CPQ: variants seen among roughly 807,000 people sequenced by gnomAD.
The protein encoded by CPQ is carboxypeptidase Q.
A neutral mutation model predicts 45.7 loss-of-function variants in CPQ; 37 were observed. That is an observed-to-expected ratio of 0.81 (90% CI 0.62 to 1.07). The LOEUF is 1.07. CPQ is among the 50% of genes least tolerant of loss of function. The probability of loss-of-function intolerance (pLI) is 0.00; values close to 1 mark genes in which losing one functional copy is unlikely to be tolerated. For missense variants in CPQ, 537 were observed against 572.9 expected (o/e 0.94, Z 0.64); for synonymous variants, 186 against 205.8 (o/e 0.90, Z 0.82).
At chr8:96,986,823 T>G (rs1195866674) in intron 5 of CPQ, among the ~76,000 whole-genome samples, 1 of 152,238 alleles carries the variant, frequency 6.6e-6, no homozygotes, top group Non-Finnish European at 1.5e-5. Flanking sequence ...TTAACTCATC[T>G]GATATACCCC....
At chr8:96,979,071 T>G (rs1813839824) in intron 5 of CPQ, among the ~76,000 whole-genome samples, 1 of 150,556 alleles carries the variant, frequency 6.6e-6, no homozygotes, top group Non-Finnish European at 1.5e-5. Flanking sequence ...AAGAACAAAT[T>G]AGAACTCATG....
chr8:97,099,544 ATG>A (rs1052378059), intron 7 of CPQ, among the ~76,000 whole-genome samples: 14 of 150,244 alleles, frequency 9.3e-5, no homozygotes, highest in Non-Finnish European at 1.3e-4. Flanking sequence ...TTCTTAAGAT[ATG>A]TGTGTTTTTT....
chr8:97,132,444 T>C (rs1811973235), intron 7 of CPQ, among the ~76,000 whole-genome samples: 1 of 152,224 alleles, frequency 6.6e-6, no homozygotes, highest in Non-Finnish European at 1.5e-5. Context: ...CCCACTTTTC[T>C]AATTCCCTTG....
At chr8:96,922,279 C>T (rs1812819766) in intron 4 of CPQ, among the ~76,000 whole-genome samples, 1 of 152,114 alleles carries the variant, frequency 6.6e-6, no homozygotes, top group South Asian at 2.1e-4. Context: ...CCATGCTCAA[C>T]CCCTCATACT....
At chr8:97,042,988 G>C (rs1008434391) in intron 6 of CPQ, among the ~76,000 whole-genome samples, 2 of 151,462 alleles carry the variant, frequency 1.3e-5, no homozygotes, top group Admixed American at 6.6e-5. Flanking sequence ...GAGTTCTGTA[G>C]ATGTCTATTA....
At chr8:97,072,576 C>G (rs1810765083) in intron 7 of CPQ, among the ~76,000 whole-genome samples, 1 of 152,080 alleles carries the variant, frequency 6.6e-6, no homozygotes. Context: ...GACCGTATAC[C>G]TAGAAAACCC....
chr8:97,073,034 T>C lies in CPQ; in HGVS notation c.1255+6824T>C, dbSNP rs572480221. ...TGCAAGACACAACTGTAAGTTATGA[T>C]TAATTTAGTAACGACATCACTCATT... On this transcript the variant is annotated intron_variant, in intron 7 of 7. Transcript: ENST00000220763. Among the ~76,000 whole-genome samples the C allele has an allele frequency of 4.6e-5, 7 of 152,322 alleles. No homozygotes were observed. The South Asian group carries it at 1.4e-3, about 32-fold the overall frequency.
chr8:96,882,606 G>A (rs1209147974), intron 4 of CPQ, among the ~76,000 whole-genome samples: 1 of 152,098 alleles, frequency 6.6e-6, no homozygotes, highest in Non-Finnish European at 1.5e-5. Flanking sequence ...AGCAGCTATG[G>A]AGTCTCAGAA....
At chr8:96,778,862 C>T (rs1470539079) in intron 1 of CPQ, among the ~76,000 whole-genome samples, 5 of 151,908 alleles carry the variant, frequency 3.3e-5, no homozygotes, top group Admixed American at 6.6e-5. Context: ...GTCAGGAGAT[C>T]GAGATCAGCC....
chr8:96,700,561 A>T (rs1031790657), intron 1 of CPQ, among the ~76,000 whole-genome samples: 3 of 151,654 alleles, frequency 2.0e-5, no homozygotes, highest in African/African-American at 4.9e-5. Flanking sequence ...AGTAAACTGC[A>T]TGCACCTTCT....
At chr8:96,832,761 A>T (rs1811476808) in intron 2 of CPQ, among the ~76,000 whole-genome samples, 1 of 152,186 alleles carries the variant, frequency 6.6e-6, no homozygotes, top group South Asian at 2.1e-4. Flanking sequence ...GTGTCTATAC[A>T]GGGAAAAGTG....
At chr8:96,902,453 T>C (rs1416133059) in intron 4 of CPQ, among the ~76,000 whole-genome samples, 1 of 152,214 alleles carries the variant, frequency 6.6e-6, no homozygotes, top group African/African-American at 2.4e-5. Flanking sequence ...TTATTTCTCA[T>C]GTACCTGTTT....
rs141806417 is a variant in CPQ at position 96,676,080 on chromosome 8, A to G, written c.-35+30678A>G. 2.3e-3 allele frequency among the ~76,000 whole-genome samples: 357 copies of G among 152,098 alleles called. 2 individuals carry two copies. Among genetic ancestry groups the G allele is most frequent in the African/African-American group, 8.0e-3 (331 of 41,520 alleles). ...TACAATGTGTAACAATCAAATTGGG[A>G]TATTTAGGATATCTATTACCTCAAA... On this transcript the variant is annotated intron_variant, in intron 1 of 7. Coordinates refer to ENST00000220763, the MANE Select transcript of CPQ (RefSeq NM_016134.4).
chr8:96,650,365 A>T (rs1201226288), intron 1 of CPQ, among the ~76,000 whole-genome samples: 1 of 152,264 alleles, frequency 6.6e-6, no homozygotes, highest in Non-Finnish European at 1.5e-5. Context: ...ATATAGTGGT[A>T]TTAGACTTCC....
chr8:97,137,725 C>T (rs1172330086), intron 7 of CPQ, among the ~76,000 whole-genome samples: 1 of 152,144 alleles, frequency 6.6e-6, no homozygotes, highest in African/African-American at 2.4e-5. Context: ...GTCAGGAAAT[C>T]GAGACCATCG....
At chr8:96,946,376 A>C (rs1813188596) in intron 4 of CPQ, among the ~76,000 whole-genome samples, 1 of 152,196 alleles carries the variant, frequency 6.6e-6, no homozygotes, top group African/African-American at 2.4e-5. Context: ...TTAATGTATC[A>C]CATTTCACTA....
chr8:96,794,811 G>A lies in CPQ; in HGVS notation c.433+9481G>A, dbSNP rs117723111. On this transcript the variant is annotated intron_variant, in intron 2 of 7. Transcript: ENST00000220763. ...TCAAAGTTCCACAAATTGCTAGGGT[G>A]GGGGTAAAATGCCACCACTCTCTTT... Among the ~76,000 whole-genome samples, 1,015 of 152,210 alleles carry A rather than the reference G, an allele frequency of 6.7e-3. 10 individuals carry two copies. The highest frequency in any genetic ancestry group is 0.029 in the South Asian group (141 of 4,816).
intron 1 of CPQ, among the ~76,000 whole-genome samples, chr8:96,683,766 TA>T (rs57075384): frequency 0.08 from 11,820 of 148,450 alleles, 483 homozygotes; most frequent in Middle Eastern, 0.15. Context: ...ACTGAGTTAT[TA>T]AAAAAAAAAA....
At chr8:96,938,370 CT>C in intron 4 of CPQ, among the ~76,000 whole-genome samples, 1 of 152,228 alleles carries the variant, frequency 6.6e-6, no homozygotes, top group African/African-American at 2.4e-5. Flanking sequence ...ACACTCCAGT[CT>C]AGGTGACAGA....
Sources: gnomAD v4.1 joint callset for allele counts (sites outside exome capture counted in the v4.1 genomes callset) on GRCh38, gnomAD v4.1.1 for gene constraint, MANE v1.5 for transcripts, NCBI Gene and HGNC (gene_info 2026-07-23, HGNC 2026-07-21) for gene names.